The following GPC6 variants were observed in gnomAD, a reference collection of about 807,000 sequenced individuals.
GPC6 encodes glypican 6.
In GPC6, 14 loss-of-function variants were observed where a neutral mutation model predicts 55.2. That is an observed-to-expected ratio of 0.25 (90% confidence interval 0.17 to 0.40). The LOEUF is 0.40. Ranked by LOEUF, GPC6 falls within the 10% of genes least tolerant of loss-of-function variation. GPC6 has a pLI of 1.00. For missense variants in GPC6, 641 were observed against 708.5 expected, an observed-to-expected ratio of 0.90 and a Z score of 1.08; for synonymous variants, 278 against 259.6, an observed-to-expected ratio of 1.07 and a Z score of -0.68.
chr13:93,659,576 A>C (rs1032863436), intron 2 of GPC6, among the ~76,000 whole-genome samples: 1 of 152,022 alleles, frequency 6.6e-6, no homozygotes, highest in Non-Finnish European at 1.5e-5. Flanking sequence ...AAAAGCAGCA[A>C]TGCAGATCAA....
intron 1 of GPC6, among the ~76,000 whole-genome samples, chr13:93,435,729 G>C (rs7338402): frequency 0.15 from 23,083 of 152,082 alleles, 2,332 homozygotes; most frequent in East Asian, 0.47. Context: ...GCCCAGTTGT[G>C]AGTGGAGGTA....
chr13:93,885,233 T>C (rs1224064544), intron 3 of GPC6, among the ~76,000 whole-genome samples: 1 of 151,232 alleles, frequency 6.6e-6, no homozygotes, highest in African/African-American at 2.4e-5. Flanking sequence ...TACCCTTTGA[T>C]CCAGCAAGCT....
At chr13:93,496,975 T>G (rs562391413) in intron 1 of GPC6, among the ~76,000 whole-genome samples, 1 of 152,186 alleles carries the variant, frequency 6.6e-6, no homozygotes, top group Non-Finnish European at 1.5e-5. Context: ...TGGAGGATTA[T>G]GAACACCAAC....
Position 94,213,015 on chromosome 13 carries a change from G to A in GPC6, c.878-73334G>A, listed in dbSNP as rs141139521. On this transcript the variant is annotated intron_variant, in intron 4 of 8. Transcript: ENST00000377047. ...TACTAAAAATACAAAAATTAGCCGA[G>A]CGTGATGGCGGGTGCCTGTAATCCC... Among the ~76,000 whole-genome samples the A allele has an allele frequency of 6.6e-3, 1,007 of 152,240 alleles. 13 individuals are homozygous for A. The highest frequency in any genetic ancestry group is 0.022 in the African/African-American group (932 of 41,560).
chr13:94,229,240 G>A (rs557637140), intron 4 of GPC6, among the ~76,000 whole-genome samples: 1 of 152,086 alleles, frequency 6.6e-6, no homozygotes, highest in East Asian at 1.9e-4. Flanking sequence ...AATATTATTT[G>A]CCTTTGGTGG....
intron 2 of GPC6, among the ~76,000 whole-genome samples, chr13:93,637,881 A>G (rs1879762307): frequency 6.6e-6 from 1 of 152,174 alleles, no homozygotes; most frequent in South Asian, 2.1e-4. Context: ...CATGTCCTCC[A>G]TATGTAGCCG....
intron 1 of GPC6, among the ~76,000 whole-genome samples, chr13:93,419,242 A>G (rs1049081508): frequency 6.6e-6 from 1 of 151,782 alleles, no homozygotes; most frequent in African/African-American, 2.4e-5. Context: ...ATATACATAT[A>G]TTCTCTTTGT....
intron 6 of GPC6, among the ~76,000 whole-genome samples, chr13:94,361,757 TTAAA>T (rs889406414): frequency 7.9e-5 from 12 of 152,242 alleles, no homozygotes; most frequent in African/African-American, 2.9e-4. Flanking sequence ...GGAAGGTTGG[TTAAA>T]TGTTTAAAAT....
intron 4 of GPC6, among the ~76,000 whole-genome samples, chr13:94,214,424 A>G (rs1594065116): frequency 6.6e-6 from 1 of 152,198 alleles, no homozygotes; most frequent in East Asian, 1.9e-4. Flanking sequence ...ATATCAACAA[A>G]TTGAATTTTT....
chr13:93,684,161 C>T (rs946099158), intron 2 of GPC6, among the ~76,000 whole-genome samples: 1 of 151,986 alleles, frequency 6.6e-6, no homozygotes, highest in African/African-American at 2.4e-5. Context: ...TCTCTATTCT[C>T]GATTTTCCAC....
At chr13:93,603,511 A>G (rs953468763) in intron 2 of GPC6, among the ~76,000 whole-genome samples, 3 of 152,188 alleles carry the variant, frequency 2.0e-5, no homozygotes, top group African/African-American at 7.2e-5. Flanking sequence ...CTACATAGGT[A>G]TTATTGTCCC....
intron 2 of GPC6, among the ~76,000 whole-genome samples, chr13:93,797,378 A>G (rs11841153): frequency 0.019 from 2,929 of 152,280 alleles, 91 homozygotes; most frequent in African/African-American, 0.067. Flanking sequence ...CAGATATTTT[A>G]TCTAGTACAG....
intron 2 of GPC6, among the ~76,000 whole-genome samples, chr13:93,763,530 G>T (rs1441304433): frequency 6.6e-6 from 1 of 152,110 alleles, no homozygotes; most frequent in Non-Finnish European, 1.5e-5. Flanking sequence ...TTACCATCAG[G>T]CATCATTCAA....
chr13:94,177,411 T>C (rs1388530841), intron 4 of GPC6, among the ~76,000 whole-genome samples: 2 of 152,030 alleles, frequency 1.3e-5, no homozygotes, highest in African/African-American at 2.4e-5. Context: ...ACGTTAATTA[T>C]ATAAAAAGCT....
chr13:93,373,226 T>C (rs1874747045), intron 1 of GPC6, among the ~76,000 whole-genome samples: 1 of 152,192 alleles, frequency 6.6e-6, no homozygotes, highest in African/African-American at 2.4e-5. Context: ...AGGCTATGCT[T>C]ACTTTTAATG....
At chr13:94,061,427 G>A (rs1353299605) in intron 4 of GPC6, among the ~76,000 whole-genome samples, 1 of 152,164 alleles carries the variant, frequency 6.6e-6, no homozygotes, top group Non-Finnish European at 1.5e-5. Context: ...CCTTTCAGCA[G>A]ATGAACAAAA....
At chr13:94,136,688 C>T (rs1315185570) in intron 4 of GPC6, among the ~76,000 whole-genome samples, 4 of 152,100 alleles carry the variant, frequency 2.6e-5, no homozygotes, top group Admixed American at 2.0e-4. Flanking sequence ...CCAGCCTGGG[C>T]GACAGAGCGA....
At chr13:93,369,970 A>G (rs777503511) in intron 1 of GPC6, among the ~76,000 whole-genome samples, 46 of 152,126 alleles carry the variant, frequency 3.0e-4, no homozygotes, top group Non-Finnish European at 6.0e-4. Flanking sequence ...TAAAATGCCA[A>G]TAGACATCCC....
At chr13:93,735,313 T>C (rs1019496124) in intron 2 of GPC6, among the ~76,000 whole-genome samples, 3 of 152,028 alleles carry the variant, frequency 2.0e-5, no homozygotes, top group Non-Finnish European at 4.4e-5. Context: ...GGTGGGTGGA[T>C]CACGAGGTCA....
Sources: allele counts gnomAD v4.1 joint callset (sites outside exome capture counted in the v4.1 genomes callset), GRCh38; gene constraint gnomAD v4.1.1; transcripts MANE v1.5; gene names NCBI Gene and HGNC (gene_info 2026-07-23, HGNC 2026-07-21).